CELF2: variants seen among roughly 807,000 people sequenced by gnomAD.
CELF2 encodes the protein CUG triplet repeat RNA-binding protein 2.
In CELF2, 8 loss-of-function variants were observed where a neutral mutation model predicts 62.6. The ratio of observed to expected loss-of-function variants is 0.13; its 90% CI spans 0.07 to 0.23. The LOEUF (loss-of-function observed/expected upper bound fraction) is 0.23. Ranked by LOEUF, CELF2 falls within the 10% of genes least tolerant of loss-of-function variation. The pLI, the probability that CELF2 is intolerant of heterozygous loss-of-function variation, is 1.00. For synonymous variants in CELF2, 258 were observed against 250.0 expected (o/e 1.03, Z -0.30); for missense variants, 333 against 671.0 (o/e 0.50, Z 5.56).
At chr10:11,089,250 A>C (rs1421421081) in intron 1 of CELF2, among the ~76,000 whole-genome samples, 1 of 152,226 alleles carries the variant, frequency 6.6e-6, no homozygotes, top group Non-Finnish European at 1.5e-5. Flanking sequence ...AACACACAGT[A>C]GGCCACAGTG....
At chr10:10,467,338 G>A in the CELF2 span, among the ~76,000 whole-genome samples, 1 of 151,920 alleles carries the variant, frequency 6.6e-6, no homozygotes, top group African/African-American at 2.4e-5. Context: ...TTACTAAAAA[G>A]ACTATTCTTT....
the CELF2 span, among the ~76,000 whole-genome samples, chr10:10,688,323 T>C: frequency 1.3e-5 from 2 of 152,162 alleles, no homozygotes; most frequent in East Asian, 3.9e-4. Context: ...CTTTTCCACA[T>C]AGGGGACAGT....
In CELF2 at chr10:11,314,024, C is replaced by T. The variant is rs973704491; in HGVS notation, c.977-115C>T. ...AATCCCACATGTCCTTCACCCAAAG[C>T]CACAAGCACAGCTCCTCAGCTCCGT... On this transcript the variant is annotated intron_variant, in intron 9 of 12. Coordinates refer to ENST00000633077, the MANE Select transcript of CELF2 (RefSeq NM_001326342.2). This position sits in a 1 kb window ranked among gnomAD's most constrained non-coding sequence, Gnocchi z 5.3. 1.8e-6 allele frequency: 2 copies of T among 1,104,324 alleles called. No individual in the cohort carries two copies. The highest frequency in any genetic ancestry group is 3.2e-5 in the African/African-American group (2 of 63,450). 68.4% of individuals were successfully genotyped at this position (1,104,324 alleles called of 1,614,324 possible).
the CELF2 span, among the ~76,000 whole-genome samples, chr10:10,700,453 T>G: frequency 6.6e-6 from 1 of 152,212 alleles, no homozygotes; most frequent in African/African-American, 2.4e-5. Flanking sequence ...ATTGCAGTTT[T>G]AAAACAGGTG....
rs1285238238 is a variant in CELF2, at chr10:11,242,825, G to C, written c.355-6328G>C. ...AGGGAGAAGAGGTGGGAGGACCATG[G>C]GCTGCTTATCCCCAGGAGGTGGGAC... On this transcript the variant is annotated intron_variant, in intron 3 of 12. Coordinates refer to ENST00000633077, the MANE Select transcript of CELF2 (RefSeq NM_001326342.2). The surrounding 1 kb of genome is among the most constrained non-coding windows in gnomAD (Gnocchi z 4.8). Among the ~76,000 whole-genome samples, 1 of 152,036 alleles carries C rather than the reference G, an allele frequency of 6.6e-6. No homozygotes were observed. Among genetic ancestry groups the C allele is most frequent in the Non-Finnish European group, 1.5e-5 (1 of 68,000 alleles).
chr10:10,673,784 T>C, the CELF2 span, among the ~76,000 whole-genome samples: 1 of 152,196 alleles, frequency 6.6e-6, no homozygotes, highest in Non-Finnish European at 1.5e-5. Flanking sequence ...CTTGGACCTA[T>C]ATGTTTTATA....
chr10:10,569,664 G>T, the CELF2 span, among the ~76,000 whole-genome samples: 1 of 152,148 alleles, frequency 6.6e-6, no homozygotes, highest in Non-Finnish European at 1.5e-5. Context: ...GGAATTCAAT[G>T]CAAAGAATCA....
chr10:11,000,627 T>A (rs780028664), upstream of CELF2, among the ~76,000 whole-genome samples: 18 of 152,182 alleles, frequency 1.2e-4, no homozygotes, highest in Non-Finnish European at 2.1e-4. Context: ...GCTTCCACAG[T>A]ATGACTGACA....
intron 1 of CELF2, among the ~76,000 whole-genome samples, chr10:11,034,074 AC>A (rs1303268124): frequency 1.3e-5 from 2 of 152,206 alleles, no homozygotes; most frequent in Non-Finnish European, 2.9e-5. Flanking sequence ...TCTAGGTGTT[AC>A]AAAAATTGTA....
At chr10:10,776,508 G>C in the CELF2 span, 1 of 154,020 alleles carries the variant, frequency 6.5e-6, no homozygotes, top group East Asian at 1.9e-4. Flanking sequence ...CCCAGATTAT[G>C]TATAATATTT....
the CELF2 span, among the ~76,000 whole-genome samples, chr10:10,628,377 A>G: frequency 1.3e-5 from 2 of 152,192 alleles, no homozygotes; most frequent in Non-Finnish European, 2.9e-5. Context: ...GAACTCATTT[A>G]TGGAACACCT....
chr10:11,007,202 T>C (rs2055431033), intron 1 of CELF2, among the ~76,000 whole-genome samples: 2 of 152,238 alleles, frequency 1.3e-5, no homozygotes, highest in Admixed American at 1.3e-4. Flanking sequence ...GAAATTGTTT[T>C]GAAGGGTAAT....
At chr10:10,913,927 G>C (rs1056129433) in intron 1 of CELF2, among the ~76,000 whole-genome samples, 5 of 141,460 alleles carry the variant, frequency 3.5e-5, no homozygotes, top group Admixed American at 3.5e-4. Context: ...GCAGGGGAAG[G>C]AAAGGGAAGG....
chr10:10,575,095 G>A, the CELF2 span, among the ~76,000 whole-genome samples: 12 of 151,918 alleles, frequency 7.9e-5, no homozygotes, highest in East Asian at 1.9e-4. Flanking sequence ...ACCTAATAAC[G>A]TCAAGAAAAA....
At chr10:11,273,716 T>G (rs71491568) in intron 7 of CELF2, among the ~76,000 whole-genome samples, 1,391 of 103,846 alleles carry the variant, frequency 0.013, 17 homozygotes, top group African/African-American at 0.051. Flanking sequence ...GAAAGTTTTG[T>G]TTTTTTGTTT....
chr10:10,967,928 A>G (rs2050314012), intron 2 of CELF2, among the ~76,000 whole-genome samples: 1 of 152,026 alleles, frequency 6.6e-6, no homozygotes, highest in South Asian at 2.1e-4. Context: ...GCACACACAC[A>G]CACACACACA....
chr10:10,944,038 G>A (rs1029803692), intron 2 of CELF2: 5 of 152,366 alleles, frequency 3.3e-5, no homozygotes, highest in African/African-American at 1.2e-4. Context: ...CATAGTAGAA[G>A]TGAAGAGTCT....
the CELF2 span, among the ~76,000 whole-genome samples, chr10:10,765,060 TG>T: frequency 6.6e-6 from 1 of 152,146 alleles, no homozygotes; most frequent in Non-Finnish European, 1.5e-5. Context: ...GTACCACCTT[TG>T]GGGGTGGAGG....
chr10:10,846,957 C>T (rs184622559), intron 1 of CELF2, among the ~76,000 whole-genome samples: 2 of 152,258 alleles, frequency 1.3e-5, no homozygotes, highest in Admixed American at 1.3e-4. Flanking sequence ...CTCATACCTG[C>T]CGGCCTAAGG....
Sources: allele counts gnomAD v4.1 joint callset (sites outside exome capture counted in the v4.1 genomes callset), GRCh38; gene constraint gnomAD v4.1.1; non-coding constraint Gnocchi (gnomAD v3.1); transcripts MANE v1.5; gene names NCBI Gene and HGNC (gene_info 2026-07-23, HGNC 2026-07-21).